Variants in SHMT1 observed in about 807,000 individuals in gnomAD.
SHMT1 encodes serine hydroxymethyltransferase 1.
In SHMT1, 45 loss-of-function variants were observed where a neutral mutation model predicts 49.0. The ratio of observed to expected loss-of-function variants is 0.92; its 90% CI spans 0.72 to 1.18. The LOEUF is 1.18. Among genes scored for constraint, SHMT1 ranks in the 50% most tolerant of loss-of-function variants. SHMT1 has a pLI of 0.00. For missense variants in SHMT1, 541 were observed against 612.4 expected, an observed-to-expected ratio of 0.88 and a Z score of 1.23; for synonymous variants, 232 against 246.6, an observed-to-expected ratio of 0.94 and a Z score of 0.55.
At chr17:18,358,295 T>G (rs1053547549) in intron 1 of SHMT1, among the ~76,000 whole-genome samples, 1 of 149,738 alleles carries the variant, frequency 6.7e-6, no homozygotes, top group African/African-American at 2.4e-5. Flanking sequence ...ATCGAGACCA[T>G]CCTGGCCTAC....
rs765783689 is a variant in SHMT1 at position 18,347,508 on chromosome 17, A to G, written c.507T>C (p.Ser169=). 8.1e-6 allele frequency: 13 copies of G among 1,614,048 alleles called. No individual in the cohort carries two copies. Among genetic ancestry groups the G allele is most frequent in the Non-Finnish European group, 1.0e-5 (12 of 1,180,042 alleles). Residue 169 remains serine (S), a synonymous_variant, in exon 5 of 12, where the codon TCT becomes TCC. Coordinates refer to ENST00000316694, the MANE Select transcript of SHMT1 (RefSeq NM_004169.5). ...KISATSIFFE[S]MPYKVNPDTG... is the part of the protein sequence containing the mutation. The stretch of plus-strand genomic sequence containing the variant: ...AACACATGCTTACCTTGTAGGGCAT[A>G]GATTCAAAGAAGATGGACGTGGCAG...
At chr17:18,332,983 G>C (rs1043100060) in intron 9 of SHMT1, 183 bp downstream of exon 9, 4 of 728,102 alleles carry the variant, frequency 5.5e-6, no homozygotes, top group African/African-American at 5.2e-5. Context: ...CAAGGGGGCG[G>C]CTGGCTGGTC....
At chr17:18,333,008 G>C (rs777605914) in intron 9 of SHMT1, 158 bp downstream of exon 9, 23 of 887,718 alleles carry the variant, frequency 2.6e-5, no homozygotes, top group Non-Finnish European at 3.8e-5. Flanking sequence ...GCAGGGGGAG[G>C]CTTTCCAGTT....
intron 1 of SHMT1, among the ~76,000 whole-genome samples, chr17:18,357,717 C>T (rs1032035980): frequency 6.6e-6 from 1 of 151,906 alleles, no homozygotes; most frequent in Non-Finnish European, 1.5e-5. Flanking sequence ...GAAATTGAGG[C>T]TCAGGGCCAG....
chr17:18,333,522 G>A (rs1983468212), intron 8 of SHMT1: 1 of 173,162 alleles, frequency 5.8e-6, no homozygotes, highest in African/African-American at 2.4e-5. Context: ...CTGGAGTGCA[G>A]TGGTGTGATC....
At chr17:18,341,453 ACACGGTGAAACCCCGTCTCT>A in intron 5 of SHMT1, 1 of 154,538 alleles carries the variant, frequency 6.5e-6, no homozygotes, top group Non-Finnish European at 1.4e-5. Flanking sequence ...ATCCTGGCTA[ACACGGTGAAACCCCGTCTCT>A]ACTAAAAATG....
At chr17:18,330,786 G>A in intron 9 of SHMT1, 115 bp from the exon 10 acceptor site, 1 of 744,320 alleles carries the variant, frequency 1.3e-6, no homozygotes, top group Non-Finnish European at 2.4e-6. Context: ...AGGAAGGTGA[G>A]CACCCCCACC....
At chr17:18,346,798 T>A (rs1985124521) in intron 5 of SHMT1, among the ~76,000 whole-genome samples, 1 of 152,186 alleles carries the variant, frequency 6.6e-6, no homozygotes, top group Non-Finnish European at 1.5e-5. Context: ...AAACCTTATT[T>A]TATAATACGG....
chr17:18,329,428 C>G, intron 10 of SHMT1, 40 bp from the exon 11 acceptor site: 2 of 1,462,252 alleles, frequency 1.4e-6, no homozygotes, highest in Non-Finnish European at 1.9e-6. Flanking sequence ...GTCACATTGT[C>G]ACCACTGTGA....
At position 18,357,190 on chromosome 17, in the gene SHMT1, A is replaced by G. The variant is rs1013321063; in HGVS notation, c.-19-1190T>C. The stretch of plus-strand genomic sequence containing the variant: ...CAGCTACTTGGGAGGCTGAGGCAGG[A>G]GAATCTCTTGAATCTGGGAGGCAGA... On this transcript the variant is annotated intron_variant, in intron 1 of 11. Transcript: ENST00000316694. 4.0e-5 allele frequency among the ~76,000 whole-genome samples: 6 copies of G among 148,224 alleles called. 1 individual carries two copies. The highest frequency in any genetic ancestry group is 1.5e-4 in the African/African-American group (6 of 39,956).
Position 18,335,670 on chromosome 17 carries a change from T to G in SHMT1, c.820A>C (p.Lys274Gln). 6.2e-7 allele frequency: 1 copy of G among 1,610,006 alleles called. No homozygotes were observed. The highest frequency in any genetic ancestry group is 8.5e-7 in the Non-Finnish European group (1 of 1,176,228). Residue 274 changes from lysine (K) to glutamine (Q), a missense_variant, in exon 8 of 12, where the codon AAA (lysine) becomes CAA (glutamine). Lys to Gln is a moderately conservative substitution (Grantham distance 53, BLOSUM62 1). Coordinates refer to ENST00000316694, the MANE Select transcript of SHMT1 (RefSeq NM_004169.5). ...AGMIFYRKGVKSVDPKTGKEI... is the reference protein window; with the variant it reads ...AGMIFYRKGVQSVDPKTGKEI... ...TTGCCAGTCTTGGGATCCACACTTT[T>G]CACTCCTGGAGGAAGAAAAACATCA...
rs566773884 is a variant in SHMT1, at chr17:18,335,682, G to T, written c.815-7C>A. 3.6e-5 allele frequency: 58 copies of T among 1,590,228 alleles called. 1 individual carries two copies. In the South Asian group the frequency reaches 6.1e-4, roughly 17 times the overall value. On this transcript the variant is annotated splice_region_variant and splice_polypyrimidine_tract_variant and intron_variant, in intron 7 of 11. Transcript: ENST00000316694. ...GGATCCACACTTTTCACTCCTGGAG[G>T]AAGAAAAACATCACAGTGGGATCAT...
At chr17:18,336,401 C>A (rs1190522818) in intron 7 of SHMT1, among the ~76,000 whole-genome samples, 1 of 152,046 alleles carries the variant, frequency 6.6e-6, no homozygotes, top group African/African-American at 2.4e-5. Flanking sequence ...CGTGGTGGTT[C>A]ATGCGTGTAA....
rs1365221286 is a variant in SHMT1 at position 18,335,640 on chromosome 17, T to C, written c.850A>G (p.Ile284Val). ...KSVDPKTGKE[I>V]LYNLESLINS... is the part of the protein sequence containing the mutation. ...ATAAGAGACTCCAGGTTGTACAGAATCTCTTTGCCAGTCTTGGGATCCACA... is the reference window on the plus strand; with the variant it reads ...ATAAGAGACTCCAGGTTGTACAGAACCTCTTTGCCAGTCTTGGGATCCACA... Residue 284 changes from isoleucine to valine, a missense_variant, in exon 8 of 12, where the codon ATT (isoleucine) becomes GTT (valine). Coordinates refer to ENST00000316694, the MANE Select transcript of SHMT1 (RefSeq NM_004169.5). The C allele has an allele frequency of 6.2e-7, 1 of 1,613,960 alleles. No homozygotes were observed. The highest frequency in any genetic ancestry group is 8.5e-7 in the Non-Finnish European group (1 of 1,179,998).
chr17:18,346,289 A>G (rs1985071063), intron 5 of SHMT1, among the ~76,000 whole-genome samples: 1 of 152,178 alleles, frequency 6.6e-6, no homozygotes, highest in Admixed American at 6.5e-5. Context: ...ACATGAAAAG[A>G]TGGTTCCGGG....
In SHMT1 at chr17:18,353,805, T is replaced by C. The variant is rs774394841; in HGVS notation, c.109A>G (p.Ile37Val). The change falls in exon 3 of 12, where the codon ATT (isoleucine) becomes GTT (valine). Residue 37 changes from isoleucine (I) to valine (V), a missense_variant. Ile to Val is a conservative substitution (Grantham distance 29). Coordinates refer to ENST00000316694, the MANE Select transcript of SHMT1 (RefSeq NM_004169.5). ...CTCTGCCGGTTACTCTCCTTCTTAA[T>C]GATGTTGTAAACCTTATGAGAAGAA... ...KDSDVEVYNI[I>V]KKESNRQRVG... The C allele has an allele frequency of 6.2e-7, 1 of 1,614,192 alleles. No homozygotes were observed. The highest frequency in any genetic ancestry group is 1.7e-5 in the Admixed American group (1 of 60,028).
chr17:18,332,891 T>C, intron 9 of SHMT1: 1 of 475,544 alleles, frequency 2.1e-6, no homozygotes, highest in Non-Finnish European at 4.0e-6. Flanking sequence ...CAGGTCATCC[T>C]CCTGCAAAGC....
intron 9 of SHMT1, 87 bp from the exon 10 acceptor site, chr17:18,330,758 G>A: frequency 1.0e-6 from 1 of 953,640 alleles, no homozygotes; most frequent in Non-Finnish European, 1.7e-6. Context: ...GATGAAGGCA[G>A]TCAAAGCAGA....
chr17:18,359,939 T>TGGCAACAAAGCAAG lies in SHMT1; in HGVS notation c.-20+3432_-20+3433insCTTGCTTTGTTGCC, dbSNP rs1986601100. On this transcript the variant is annotated intron_variant, in intron 1 of 11. Coordinates refer to ENST00000316694, the MANE Select transcript of SHMT1 (RefSeq NM_004169.5). Reference sequence around the variant, plus strand: ...GCAGCCTGGCAACAAAGCAAGACTCTATCTTAAAAAAAAAAAAAAATTATT... The same window carrying TGGCAACAAAGCAAG: ...GCAGCCTGGCAACAAAGCAAGACTCTGGCAACAAAGCAAGATCTTAAAAAAAAAAAAAAATTATT... Among the ~76,000 whole-genome samples the TGGCAACAAAGCAAG allele has an allele frequency of 2.1e-5, 3 of 140,202 alleles. No homozygotes were observed. In the South Asian group the frequency reaches 6.7e-4, roughly 31 times the overall value. The allele number at this position is 140,202 out of a possible 152,430, so 92.0% of individuals were successfully genotyped here.
Sources: allele counts gnomAD v4.1 joint callset (sites outside exome capture counted in the v4.1 genomes callset), GRCh38; gene constraint gnomAD v4.1.1; transcripts MANE v1.5; gene names NCBI Gene and HGNC (gene_info 2026-07-23, HGNC 2026-07-21).